Variants in RANBP2 observed in about 807,000 individuals in gnomAD.
RANBP2 encodes E3 SUMO-protein ligase RanBP2.
In RANBP2, 57 loss-of-function variants were observed where a neutral mutation model predicts 303.6. The ratio of observed to expected loss-of-function variants is 0.19; its 90% CI spans 0.15 to 0.23. RANBP2 has a LOEUF of 0.23. Ranked by LOEUF, RANBP2 falls within the 10% of genes least tolerant of loss-of-function variation. The pLI, the probability that RANBP2 is intolerant of heterozygous loss-of-function variation, is 1.00. For synonymous variants in RANBP2, 1,167 were observed against 1,301.5 expected (o/e 0.90, Z 2.23); for missense variants, 3,138 against 3,780.8 (o/e 0.83, Z 4.46).
chr2:109,598,632 C>A, the RANBP2 span, among the ~76,000 whole-genome samples: 8 of 151,880 alleles, frequency 5.3e-5, no homozygotes, highest in African/African-American at 1.9e-4. Flanking sequence ...CACTTGAGGT[C>A]AGGAGGTCAA....
At chr2:108,744,903 A>G (rs114988570) in intron 7 of RANBP2, among the ~76,000 whole-genome samples, 1,936 of 152,334 alleles carry the variant, frequency 0.013, 49 homozygotes, top group African/African-American at 0.045. Context: ...AAACACATAT[A>G]TATCTCCTGT....
chr2:108,807,995 A>G, the RANBP2 span, among the ~76,000 whole-genome samples: 1 of 152,114 alleles, frequency 6.6e-6, no homozygotes, highest in Non-Finnish European at 1.5e-5. Context: ...CTAGTAACCA[A>G]TATTATATTC....
chr2:109,407,489 C>G, the RANBP2 span, among the ~76,000 whole-genome samples: 3 of 152,122 alleles, frequency 2.0e-5, no homozygotes, highest in African/African-American at 7.2e-5. Context: ...CAGACAGATG[C>G]TTCAAGCAGG....
chr2:109,213,226 CT>C, the RANBP2 span, among the ~76,000 whole-genome samples: 2 of 152,180 alleles, frequency 1.3e-5, no homozygotes, highest in African/African-American at 4.8e-5. Context: ...GGTCCCAGGG[CT>C]GCTTCTGAGC....
chr2:109,139,094 T>C, the RANBP2 span, among the ~76,000 whole-genome samples: 3 of 152,230 alleles, frequency 2.0e-5, no homozygotes, highest in Admixed American at 2.0e-4. Context: ...TATCCACATC[T>C]TTACTCTTTT....
At chr2:109,581,893 G>A in the RANBP2 span, among the ~76,000 whole-genome samples, 12 of 152,138 alleles carry the variant, frequency 7.9e-5, no homozygotes. Flanking sequence ...TTATCTCTCT[G>A]CAGACAATAT....
chr2:109,145,914 C>G, the RANBP2 span, among the ~76,000 whole-genome samples: 4 of 152,148 alleles, frequency 2.6e-5, no homozygotes, highest in East Asian at 1.9e-4. Flanking sequence ...AGCCCTGGAG[C>G]CCGAATGCCT....
the RANBP2 span, among the ~76,000 whole-genome samples, chr2:109,702,566 T>C: frequency 2.0e-5 from 3 of 152,148 alleles, no homozygotes; most frequent in Non-Finnish European, 4.4e-5. Context: ...CCTTCTGTAC[T>C]CCACAAAGGG....
chr2:109,600,020 C>T, the RANBP2 span, among the ~76,000 whole-genome samples: 1 of 152,204 alleles, frequency 6.6e-6, no homozygotes, highest in Non-Finnish European at 1.5e-5. Context: ...AAGATTGCAG[C>T]TTGCTGACCG....
the RANBP2 span, among the ~76,000 whole-genome samples, chr2:109,080,042 C>T: frequency 1.3e-5 from 2 of 152,238 alleles, no homozygotes; most frequent in Admixed American, 6.5e-5. Context: ...CTCTAAGCAT[C>T]TCCTCCGATG....
the RANBP2 span, among the ~76,000 whole-genome samples, chr2:109,113,067 T>C: frequency 2.6e-5 from 4 of 152,204 alleles, no homozygotes; most frequent in Non-Finnish European, 5.9e-5. Context: ...TCAGGTAGTG[T>C]GATGCCTCCA....
chr2:108,751,135 C>T (rs1298859375), intron 9 of RANBP2, 129 bp from the exon 10 acceptor site: 1 of 1,498,718 alleles, frequency 6.7e-7, no homozygotes, highest in African/African-American at 1.4e-5. Flanking sequence ...ATAGAATTCC[C>T]TTCAGCTTTG....
chr2:108,748,936 C>T lies in RANBP2; in HGVS notation c.1080C>T (p.Asn360=). 2 of 1,611,854 alleles carry T rather than the reference C, an allele frequency of 1.2e-6. No individual in the cohort carries two copies. The highest frequency in any genetic ancestry group is 1.7e-6 in the Non-Finnish European group (2 of 1,179,846). The change falls in exon 9 of 29, where the codon AAC becomes AAT. Residue 360 remains asparagine (N), a synonymous_variant. Transcript: ENST00000283195. ...RLSQSGHMLL[N]LSRGKQDFLK... is the part of the protein sequence containing the mutation. ...TTTTTTCAGGGCACATGTTGCTAAA[C>T]TTAAGTCGTGGCAAGCAAGATTTTT...
the RANBP2 span, among the ~76,000 whole-genome samples, chr2:109,692,929 G>A: frequency 3.4e-5 from 5 of 147,062 alleles, no homozygotes; most frequent in South Asian, 2.1e-4. Context: ...AGCGATTCTC[G>A]TGCCTCAGCC....
At chr2:108,738,014 C>T (rs1185455405) in intron 6 of RANBP2, among the ~76,000 whole-genome samples, 1 of 148,348 alleles carries the variant, frequency 6.7e-6, no homozygotes, top group Admixed American at 6.7e-5. Context: ...GCGCCCAGCC[C>T]ACACCTGGCT....
In RANBP2 at chr2:108,753,612, A is replaced by T. The variant is rs7606035; in HGVS notation, c.2055+49A>T. ...TAAAAGTTTTATTTATTTATTTATT[A>T]TTTTTTTAAAAGACGGGGTTTCTCT... On this transcript the variant is annotated intron_variant, in intron 14 of 28. Transcript: ENST00000283195. The T allele has an allele frequency of 0.013, 21,248 of 1,593,368 alleles. 2,279 individuals are homozygous for T. In the African/African-American group the frequency reaches 0.24, roughly 18 times the overall value.
chr2:108,979,446 CTG>C, the RANBP2 span, among the ~76,000 whole-genome samples: 8 of 71,906 alleles, frequency 1.1e-4, no homozygotes, highest in Admixed American at 7.8e-4. Flanking sequence ...TTCTCTCTCT[CTG>C]TCTCTGTCTC....
At chr2:109,614,124 A>C in the RANBP2 span, 1 of 1,206,350 alleles carries the variant, frequency 8.3e-7, no homozygotes, top group Non-Finnish European at 1.0e-6. Context: ...GCTGAAGGAG[A>C]GCTGGGACTC....
the RANBP2 span, among the ~76,000 whole-genome samples, chr2:108,931,201 T>C: frequency 2.0e-5 from 3 of 152,334 alleles, no homozygotes; most frequent in African/African-American, 7.2e-5. Context: ...CCATGCCACT[T>C]GGGCTGACTC....
Sources: allele counts gnomAD v4.1 joint callset (sites outside exome capture counted in the v4.1 genomes callset), GRCh38; gene constraint gnomAD v4.1.1; transcripts MANE v1.5; gene names NCBI Gene and HGNC (gene_info 2026-07-23, HGNC 2026-07-21).